The following SPHKAP variants were observed in gnomAD, a reference collection of about 807,000 sequenced individuals.
SPHKAP encodes SPHK1 interactor, AKAP domain containing.
A neutral mutation model predicts 137.5 loss-of-function variants in SPHKAP; 67 were observed. The ratio of observed to expected loss-of-function variants is 0.49; its 90% CI spans 0.40 to 0.60. SPHKAP has a LOEUF of 0.60. Among genes scored for constraint, SPHKAP ranks in the 20% least tolerant of loss-of-function variants. SPHKAP has a pLI of 0.00. For missense variants in SPHKAP, 2,097 were observed against 2,069.3 expected, an observed-to-expected ratio of 1.01 and a Z score of -0.26; for synonymous variants, 813 against 785.3, an observed-to-expected ratio of 1.04 and a Z score of -0.59.
At chr2:228,084,929 G>A (rs1418641543) in intron 3 of SPHKAP, among the ~76,000 whole-genome samples, 1 of 152,178 alleles carries the variant, frequency 6.6e-6, no homozygotes, top group African/African-American at 2.4e-5. Context: ...AATTTCCTTT[G>A]CTGTTACTGA....
intron 2 of SPHKAP, among the ~76,000 whole-genome samples, chr2:228,114,194 T>C (rs1698630052): frequency 6.6e-6 from 1 of 152,196 alleles, no homozygotes; most frequent in Non-Finnish European, 1.5e-5. Flanking sequence ...GTTCACAAAT[T>C]TGAAATAATA....
intron 2 of SPHKAP, among the ~76,000 whole-genome samples, chr2:228,114,986 G>A (rs138668499): frequency 1.3e-5 from 2 of 152,286 alleles, no homozygotes; most frequent in East Asian, 3.9e-4. Flanking sequence ...TCTCCCTGGA[G>A]GAGGGGATGG....
At chr2:228,147,457 AC>A (rs1397839809) in intron 1 of SPHKAP, among the ~76,000 whole-genome samples, 1 of 152,236 alleles carries the variant, frequency 6.6e-6, no homozygotes, top group Non-Finnish European at 1.5e-5. Context: ...CAGTATCTAC[AC>A]ATTAAATACA....
intron 3 of SPHKAP, among the ~76,000 whole-genome samples, chr2:228,049,212 G>A (rs1053101351): frequency 1.1e-4 from 17 of 152,156 alleles, no homozygotes; most frequent in African/African-American, 3.4e-4. Flanking sequence ...TACTTTTGTT[G>A]TGTTACTGTT....
chr2:228,113,603 A>ATCTCTCTCTTTCTCTCTC, intron 2 of SPHKAP, among the ~76,000 whole-genome samples: 1 of 97,980 alleles, frequency 1.0e-5, no homozygotes, highest in Admixed American at 1.2e-4. Flanking sequence ...GCATTTAGCC[A>ATCTCTCTCTTTCTCTCTC]TCTCTCTCTC....
At chr2:228,051,447 G>A (rs1249049770) in intron 3 of SPHKAP, among the ~76,000 whole-genome samples, 2 of 152,288 alleles carry the variant, frequency 1.3e-5, no homozygotes, top group Admixed American at 6.5e-5. Flanking sequence ...TGCCTGTGTG[G>A]TGGACTTGTC....
chr2:228,092,422 T>C (rs1387767247), intron 3 of SPHKAP, among the ~76,000 whole-genome samples: 26 of 125,492 alleles, frequency 2.1e-4, no homozygotes, highest in African/African-American at 7.7e-4. Context: ...TATACATATA[T>C]ACATATATGT....
chr2:228,050,715 A>G (rs561760455), intron 3 of SPHKAP, among the ~76,000 whole-genome samples: 4 of 152,310 alleles, frequency 2.6e-5, no homozygotes, highest in East Asian at 1.9e-4. Context: ...CTACTGATCT[A>G]TTGAACACCA....
At chr2:228,036,550 T>C (rs1308030180) in intron 3 of SPHKAP, among the ~76,000 whole-genome samples, 1 of 152,160 alleles carries the variant, frequency 6.6e-6, no homozygotes, top group Non-Finnish European at 1.5e-5. Flanking sequence ...CCCAAAGGAT[T>C]ATAAATCATG....
At chr2:228,058,189 T>C (rs1696511399) in intron 3 of SPHKAP, among the ~76,000 whole-genome samples, 1 of 152,216 alleles carries the variant, frequency 6.6e-6, no homozygotes, top group African/African-American at 2.4e-5. Flanking sequence ...TACCCCATTC[T>C]AGCCCATTCT....
intron 8 of SPHKAP, among the ~76,000 whole-genome samples, chr2:227,995,252 T>C (rs1693590674): frequency 6.6e-6 from 1 of 152,226 alleles, no homozygotes; most frequent in South Asian, 2.1e-4. Context: ...TCATTGAATG[T>C]TCTAGCTGGG....
rs114219268 is a variant in SPHKAP at position 228,012,944 on chromosome 2, G to A, written c.4448+3462C>T. Among the ~76,000 whole-genome samples, 638 of 152,184 alleles carry A rather than the reference G, an allele frequency of 4.2e-3. 3 individuals carry two copies. The highest frequency in any genetic ancestry group is 0.014 in the African/African-American group (586 of 41,524). On this transcript the variant is annotated intron_variant, in intron 7 of 11. Coordinates refer to ENST00000392056, the MANE Select transcript of SPHKAP (RefSeq NM_001142644.2). The stretch of plus-strand genomic sequence containing the variant: ...TGATTTTTATTTCAGTATATTGAGC[G>A]TAAATAACTTTTTTTAAAGTAAGAA...
At chr2:228,171,610 T>A (rs1482486316) in intron 1 of SPHKAP, among the ~76,000 whole-genome samples, 1 of 152,148 alleles carries the variant, frequency 6.6e-6, no homozygotes, top group Non-Finnish European at 1.5e-5. Context: ...TCACAAGAAA[T>A]GAAAAGTTAA....
chr2:228,007,189 C>T (rs4618043), intron 7 of SPHKAP, among the ~76,000 whole-genome samples: 80,608 of 151,990 alleles, frequency 0.53, 21,728 homozygotes, highest in South Asian at 0.68. Flanking sequence ...TTGTACTATC[C>T]TTAATGGACA....
chr2:228,108,944 A>C lies in SPHKAP; in HGVS notation c.139-5T>G. On this transcript the variant is annotated splice_polypyrimidine_tract_variant and splice_region_variant and intron_variant, in intron 2 of 11. Transcript: ENST00000392056. The stretch of plus-strand genomic sequence containing the variant: ...CAGGCTATTGCTGCGAAGAACCTGG[A>C]GGAACCCAGAAAAACTCAGTTCTTA... 6.3e-7 allele frequency: 1 copy of C among 1,580,140 alleles called. No homozygotes were observed. Among genetic ancestry groups the C allele is most frequent in the Non-Finnish European group, 8.6e-7 (1 of 1,167,670 alleles).
intron 7 of SPHKAP, among the ~76,000 whole-genome samples, chr2:228,006,080 T>C (rs2106189376): frequency 6.6e-6 from 1 of 152,334 alleles, no homozygotes; most frequent in East Asian, 1.9e-4. Context: ...AATTTGAATG[T>C]TGGCCTGCCT....
intron 7 of SPHKAP, among the ~76,000 whole-genome samples, chr2:228,015,952 A>G (rs1057315796): frequency 6.6e-6 from 1 of 152,306 alleles, no homozygotes. Flanking sequence ...TATTATTAAT[A>G]TTATTGCATC....
chr2:228,176,403 T>G (rs1460561226), intron 1 of SPHKAP, among the ~76,000 whole-genome samples: 1 of 152,232 alleles, frequency 6.6e-6, no homozygotes, highest in African/African-American at 2.4e-5. Context: ...TGTGGCATTA[T>G]AGAAGACTAA....
chr2:228,050,513 T>C (rs555723150), intron 3 of SPHKAP, among the ~76,000 whole-genome samples: 10 of 152,348 alleles, frequency 6.6e-5, no homozygotes, highest in African/African-American at 2.2e-4. Context: ...AAATTTATTT[T>C]TACTGATACA....
Sources: gnomAD v4.1 joint callset for allele counts (sites outside exome capture counted in the v4.1 genomes callset) on GRCh38, gnomAD v4.1.1 for gene constraint, MANE v1.5 for transcripts, NCBI Gene and HGNC (gene_info 2026-07-23, HGNC 2026-07-21) for gene names.